Variants in NALCN observed in about 807,000 individuals in gnomAD.
NALCN encodes the protein sodium leak channel, non-selective.
NALCN carries 111 observed loss-of-function variants against 225.3 expected under a neutral mutation model. That is an observed-to-expected ratio of 0.49 (90% confidence interval 0.42 to 0.58). The LOEUF is 0.58. Among genes scored for constraint, NALCN ranks in the 20% least tolerant of loss-of-function variants. The pLI, the probability that NALCN is intolerant of heterozygous loss-of-function variation, is 0.00. For synonymous variants in NALCN, 764 were observed against 769.0 expected (o/e 0.99, Z 0.11); for missense variants, 1,378 against 2,202.4 (o/e 0.63, Z 7.49).
intron 6 of NALCN, among the ~76,000 whole-genome samples, chr13:101,349,555 G>C (rs1175576834): frequency 1.3e-5 from 2 of 152,186 alleles, no homozygotes; most frequent in Non-Finnish European, 2.9e-5. Flanking sequence ...GTTGGAGAGA[G>C]ATGTGAGTAT....
intron 7 of NALCN, among the ~76,000 whole-genome samples, chr13:101,342,315 T>C (rs1288494064): frequency 6.6e-6 from 1 of 152,186 alleles, no homozygotes; most frequent in Non-Finnish European, 1.5e-5. Context: ...TTTTAAAAGG[T>C]TCCCCAGGTC....
chr13:101,134,319 A>G lies in NALCN; in HGVS notation c.2118+8761T>C, dbSNP rs1409434412. The stretch of plus-strand genomic sequence containing the variant: ...TGTGTGCATGCCATGCATACACCAA[A>G]TCTTCGCTCTTCCTTTGGACTCCTA... On this transcript the variant is annotated intron_variant, in intron 17 of 43. Coordinates refer to ENST00000251127, the MANE Select transcript of NALCN (RefSeq NM_052867.4). Among the ~76,000 whole-genome samples, 5 of 152,246 alleles carry G rather than the reference A, an allele frequency of 3.3e-5. No homozygotes were observed. The South Asian group carries it at 1.0e-3, about 32-fold the overall frequency.
intron 11 of NALCN, among the ~76,000 whole-genome samples, chr13:101,244,183 A>AG (rs2041825276): frequency 6.6e-6 from 1 of 151,874 alleles, no homozygotes; most frequent in Non-Finnish European, 1.5e-5. Context: ...CCAAAAAAAA[A>AG]GAGTGGTGAT....
rs1205043450 is a variant in NALCN at position 101,089,535 on chromosome 13, G to C, written c.3489+128C>G. The C allele has an allele frequency of 1.4e-6, 1 of 733,362 alleles. No individual in the cohort carries two copies. Among genetic ancestry groups the C allele is most frequent in the East Asian group, 2.7e-5 (1 of 37,376 alleles). The allele number at this position is 733,362 out of a possible 1,614,324, so 45.4% of individuals were successfully genotyped here. The stretch of plus-strand genomic sequence containing the variant: ...TGAGGGAGCTTGTAAAACAGTTATA[G>C]AGATTATTTACACCAGTCACATTAC... On this transcript the variant is annotated intron_variant, in intron 30 of 43. Transcript: ENST00000251127. This position sits in a 1 kb window ranked among gnomAD's most constrained non-coding sequence, Gnocchi z 4.7.
intron 15 of NALCN, among the ~76,000 whole-genome samples, chr13:101,154,194 G>A (rs190650841): frequency 6.6e-6 from 1 of 152,196 alleles, no homozygotes; most frequent in East Asian, 1.9e-4. Context: ...CAATGTCATC[G>A]ATGAGGAAAC....
chr13:101,070,385 T>G (rs1432869719), intron 37 of NALCN, among the ~76,000 whole-genome samples: 1 of 152,206 alleles, frequency 6.6e-6, no homozygotes, highest in African/African-American at 2.4e-5. Context: ...CTTAATGGCA[T>G]GTAGAATAGT....
At chr13:101,328,304 G>A (rs1221526800) in intron 7 of NALCN, among the ~76,000 whole-genome samples, 4 of 152,084 alleles carry the variant, frequency 2.6e-5, no homozygotes, top group African/African-American at 7.2e-5. Flanking sequence ...AGTAAAATGT[G>A]AGTACTGTAT....
At chr13:101,130,354 C>T (rs937632018) in intron 17 of NALCN, among the ~76,000 whole-genome samples, 1 of 152,180 alleles carries the variant, frequency 6.6e-6, no homozygotes, top group Non-Finnish European at 1.5e-5. Flanking sequence ...TATATCTGTA[C>T]TCTATCCATA....
At chr13:101,340,615 C>T (rs1202498388) in intron 7 of NALCN, among the ~76,000 whole-genome samples, 1 of 152,148 alleles carries the variant, frequency 6.6e-6, no homozygotes, top group Non-Finnish European at 1.5e-5. Context: ...GAAATTGAGG[C>T]AAGAGAGTTA....
intron 15 of NALCN, among the ~76,000 whole-genome samples, chr13:101,169,645 G>A (rs1352938852): frequency 6.6e-6 from 1 of 152,190 alleles, no homozygotes; most frequent in African/African-American, 2.4e-5. Flanking sequence ...CATTATAAAT[G>A]AAGGAGCTGG....
At chr13:101,400,597 G>A (rs546685592) in intron 1 of NALCN, among the ~76,000 whole-genome samples, 54 of 151,250 alleles carry the variant, frequency 3.6e-4, no homozygotes, top group Non-Finnish European at 4.9e-4. Flanking sequence ...GTGTGCGCGC[G>A]CACACAGATG....
chr13:101,345,292 A>C lies in NALCN; in HGVS notation c.773T>G (p.Leu258Arg). 2.5e-6 allele frequency: 4 copies of C among 1,613,746 alleles called. No homozygotes were observed. The highest frequency in any genetic ancestry group is 2.5e-6 in the Non-Finnish European group (3 of 1,179,750). ...LEDLGLSRQE[L>R]GYSGFNEIGT... ...TATCTCATTAAAGCCACTGTAGCCC[A>C]GCTCTTGCCTGCTAAGTCCCAGATC... Residue 258 changes from leucine to arginine, a missense_variant, in exon 7 of 44, where the codon CTG (leucine) becomes CGG (arginine). Leu to Arg is a moderately radical substitution (Grantham distance 102). Coordinates refer to ENST00000251127, the MANE Select transcript of NALCN (RefSeq NM_052867.4).
intron 10 of NALCN, among the ~76,000 whole-genome samples, chr13:101,272,186 G>A (rs887565712): frequency 2.6e-5 from 4 of 152,088 alleles, no homozygotes; most frequent in Admixed American, 2.0e-4. Flanking sequence ...GTGTACACAT[G>A]CATGCTGTGT....
intron 15 of NALCN, among the ~76,000 whole-genome samples, chr13:101,171,933 T>C (rs888801331): frequency 3.3e-5 from 5 of 152,228 alleles, no homozygotes; most frequent in Non-Finnish European, 5.9e-5. Flanking sequence ...ACTATAGTAT[T>C]AAGGAAACAG....
At chr13:101,134,759 C>A (rs2036688248) in intron 17 of NALCN, among the ~76,000 whole-genome samples, 2 of 152,130 alleles carry the variant, frequency 1.3e-5, no homozygotes, top group African/African-American at 4.8e-5. Flanking sequence ...CGGCCACTAA[C>A]ACAGTAGCCT....
At chr13:101,385,454 T>A (rs2046961344) in intron 3 of NALCN, among the ~76,000 whole-genome samples, 1 of 152,012 alleles carries the variant, frequency 6.6e-6, no homozygotes, top group Non-Finnish European at 1.5e-5. Context: ...AAAAAGAAGG[T>A]CCCTCTCTAT....
chr13:101,377,019 G>A lies in NALCN; in HGVS notation c.413C>T (p.Pro138Leu). Residue 138 changes from proline (P) to leucine (L), a missense_variant, in exon 5 of 44, where the codon CCT (proline) becomes CTT (leucine). This residue lies in a region of NALCN where 146 missense variants were observed against 205.9 expected (regional missense o/e 0.71). Transcript: ENST00000251127. ...CCGTGGAATCCGCAACATGCCCCAAGGTGACATCTGATCAACTATATCAGC... is the reference window on the plus strand; with the variant it reads ...CCGTGGAATCCGCAACATGCCCCAAAGTGACATCTGATCAACTATATCAGC... Reference protein sequence around the residue: ...EIADIVDQMSPWGMLRIPRPL... With the variant: ...EIADIVDQMSLWGMLRIPRPL... 2.5e-6 allele frequency: 4 copies of A among 1,614,120 alleles called. No individual in the cohort carries two copies. The highest frequency in any genetic ancestry group is 3.4e-6 in the Non-Finnish European group (4 of 1,180,014).
chr13:101,056,908 A>G (rs1402247946), intron 43 of NALCN: 1 of 152,106 alleles, frequency 6.6e-6, no homozygotes, highest in African/African-American at 2.4e-5. Flanking sequence ...ACCACCATCT[A>G]CGTTGTCTTG....
chr13:101,171,278 A>G (rs1346140368), intron 15 of NALCN, among the ~76,000 whole-genome samples: 1 of 149,004 alleles, frequency 6.7e-6, no homozygotes, highest in East Asian at 1.9e-4. Flanking sequence ...TGTATTACAT[A>G]TATTTATAAA....
Sources: allele counts gnomAD v4.1 joint callset (sites outside exome capture counted in the v4.1 genomes callset), GRCh38; gene constraint gnomAD v4.1.1; regional missense constraint gnomAD v4.1.1; non-coding constraint Gnocchi (gnomAD v3.1); transcripts MANE v1.5; gene names NCBI Gene and HGNC (gene_info 2026-07-23, HGNC 2026-07-21).